PRDM2: variants seen among roughly 807,000 people sequenced by gnomAD.
The protein encoded by PRDM2 is PR domain zinc finger protein 2.
Under a neutral mutation model 130.0 loss-of-function variants are expected in PRDM2, and 30 were observed. The ratio of observed to expected loss-of-function variants is 0.23; its 90% CI spans 0.17 to 0.31. The LOEUF (loss-of-function observed/expected upper bound fraction) is 0.31. PRDM2 is among the 10% of genes least tolerant of loss of function. PRDM2 has a pLI of 1.00. For missense variants in PRDM2, 2,011 were observed against 2,108.4 expected, an observed-to-expected ratio of 0.95 and a Z score of 0.90; for synonymous variants, 871 against 782.4, an observed-to-expected ratio of 1.11 and a Z score of -1.89.
chr1:13,720,797 A>G (rs960094361), intron 2 of PRDM2, among the ~76,000 whole-genome samples: 3 of 152,188 alleles, frequency 2.0e-5, no homozygotes, highest in African/African-American at 4.8e-5. Flanking sequence ...TTGGTGCATT[A>G]AAGTTTCATT....
intron 1 of PRDM2, 48 bp from the exon 2 acceptor site, chr1:13,715,493 T>C (rs1376682116): frequency 9.9e-6 from 9 of 904,548 alleles, no homozygotes; most frequent in Non-Finnish European, 1.4e-5. Context: ...TAAATCCCTG[T>C]AAATTTGTAG....
At chr1:13,822,403 T>TC (rs1029688548) in intron 9 of PRDM2, among the ~76,000 whole-genome samples, 7 of 150,066 alleles carry the variant, frequency 4.7e-5, no homozygotes, top group African/African-American at 1.5e-4. Context: ...TTTCTTTCTT[T>TC]TTTTTTTTTT....
At chr1:13,751,461 T>A (rs909130240) in intron 6 of PRDM2, among the ~76,000 whole-genome samples, 1 of 152,134 alleles carries the variant, frequency 6.6e-6, no homozygotes, top group Admixed American at 6.5e-5. Flanking sequence ...TCAAACCTTT[T>A]TTACTTTTAA....
At chr1:13,700,679 C>T (rs1642046187) in intron 1 of PRDM2, among the ~76,000 whole-genome samples, 1 of 151,872 alleles carries the variant, frequency 6.6e-6, no homozygotes, top group African/African-American at 2.4e-5. Context: ...CCACGTGGGG[C>T]CGGGCGCCGT....
At chr1:13,809,087 G>T (rs1164354688) in intron 8 of PRDM2, among the ~76,000 whole-genome samples, 4 of 152,242 alleles carry the variant, frequency 2.6e-5, no homozygotes, top group African/African-American at 4.8e-5. Context: ...GGGAAATGGG[G>T]TCTACCCAGA....
intron 6 of PRDM2, among the ~76,000 whole-genome samples, chr1:13,761,153 C>T (rs1412512066): frequency 6.6e-6 from 1 of 152,216 alleles, no homozygotes; most frequent in East Asian, 1.9e-4. Context: ...TTCCATTTGC[C>T]TGGGCAGAAG....
rs61747663 is a variant in PRDM2, at chr1:13,779,361, A to G, written c.1566A>G (p.Glu522=). 0.021 allele frequency: 33,285 copies of G among 1,614,166 alleles called. 644 individuals are homozygous for G. The highest frequency in any genetic ancestry group is 0.087 in the South Asian group (7,950 of 91,068). The change falls in exon 8 of 10, where the codon GAA becomes GAG. Residue 522 remains glutamate (E), a synonymous_variant. Transcript: ENST00000311066. The surrounding 1 kb of genome is among the most constrained non-coding windows in gnomAD (Gnocchi z 4.9). ...PKGVRRKGGL[E]EPQPPAEQAQ... is the part of the protein sequence containing the mutation. ...GTGTACGGCGAAAAGGAGGCCTTGA[A>G]GAGCCCCAGCCTCCAGCAGAACAGG...
intron 8 of PRDM2, chr1:13,787,075 T>G: frequency 1.0e-6 from 1 of 985,582 alleles, no homozygotes; most frequent in Non-Finnish European, 1.2e-6. Flanking sequence ...TTTCGTTTTT[T>G]TAAATCACAA....
intron 1 of PRDM2, among the ~76,000 whole-genome samples, 193 bp from the exon 2 acceptor site, chr1:13,715,348 G>A (rs1484240794): frequency 6.6e-6 from 1 of 152,216 alleles, no homozygotes; most frequent in Non-Finnish European, 1.5e-5. Context: ...CCCTAGCAAA[G>A]AGTAGTAAGA....
intron 8 of PRDM2, among the ~76,000 whole-genome samples, chr1:13,811,446 T>A (rs1645172034): frequency 6.6e-6 from 1 of 152,210 alleles, no homozygotes; most frequent in Non-Finnish European, 1.5e-5. Context: ...GCGCACAGGC[T>A]GTCCTTGTGC....
chr1:13,728,644 T>G (rs533365432), intron 2 of PRDM2, among the ~76,000 whole-genome samples: 1 of 146,362 alleles, frequency 6.8e-6, no homozygotes, highest in Non-Finnish European at 1.5e-5. Flanking sequence ...GCTGGGTGTA[T>G]GAGTCCAAAA....
intron 2 of PRDM2, among the ~76,000 whole-genome samples, chr1:13,729,705 TG>T (rs1208645742): frequency 6.6e-6 from 1 of 152,160 alleles, no homozygotes; most frequent in Admixed American, 6.5e-5. Flanking sequence ...TCAGGGATAT[TG>T]TTGGGACAAA....
intron 2 of PRDM2, among the ~76,000 whole-genome samples, chr1:13,721,238 T>C (rs75466216): frequency 1.3e-5 from 2 of 152,314 alleles, no homozygotes; most frequent in East Asian, 3.9e-4. Context: ...CATCTGACCA[T>C]GTAGATATGT....
chr1:13,708,793 G>T (rs1178039108), intron 1 of PRDM2, among the ~76,000 whole-genome samples: 3 of 152,126 alleles, frequency 2.0e-5, no homozygotes, highest in Non-Finnish European at 4.4e-5. Context: ...TGGGTGAGAG[G>T]CGTGAGTGGT....
At chr1:13,774,891 C>G (rs979743985) in intron 7 of PRDM2, among the ~76,000 whole-genome samples, 1 of 151,880 alleles carries the variant, frequency 6.6e-6, no homozygotes, top group Non-Finnish European at 1.5e-5. Flanking sequence ...TGGTGTGAAC[C>G]CAGGAGGCGG....
rs762612306 is a variant in PRDM2 at position 13,778,709 on chromosome 1, T to G, written c.914T>G (p.Val305Gly). 1.9e-6 allele frequency: 3 copies of G among 1,614,022 alleles called. No homozygotes were observed. The highest frequency in any genetic ancestry group is 2.5e-6 in the Non-Finnish European group (3 of 1,180,014). The change falls in exon 8 of 10, where the codon GTG becomes GGG. Residue 305 changes from valine (V) to glycine (G), a missense_variant. Transcript: ENST00000311066. ...GCCAGCATGCCAAATGAAAATTCTG[T>G]GAAAGAGCCAGAAATACGGTGTGAT... is the stretch of plus-strand genomic sequence containing the variant. ...EEASMPNENSVKEPEIRCDEK... is the reference protein window; with the variant it reads ...EEASMPNENSGKEPEIRCDEK...
chr1:13,788,424 T>A (rs1427386328), intron 8 of PRDM2, among the ~76,000 whole-genome samples: 2 of 152,226 alleles, frequency 1.3e-5, no homozygotes, highest in Non-Finnish European at 2.9e-5. Context: ...TCTATGGGCT[T>A]CCAAAGAATG....
At chr1:13,736,963 G>A (rs562585634) in intron 4 of PRDM2, among the ~76,000 whole-genome samples, 1 of 152,184 alleles carries the variant, frequency 6.6e-6, no homozygotes, top group Non-Finnish European at 1.5e-5. Context: ...AGACTTTAAT[G>A]TAATTTTTAA....
At chr1:13,729,588 A>G (rs561785701) in intron 2 of PRDM2, among the ~76,000 whole-genome samples, 1 of 152,362 alleles carries the variant, frequency 6.6e-6, no homozygotes, top group African/African-American at 2.4e-5. Flanking sequence ...CACTATATTT[A>G]GAAGTGAAAA....
Sources: allele counts gnomAD v4.1 joint callset (sites outside exome capture counted in the v4.1 genomes callset), GRCh38; gene constraint gnomAD v4.1.1; non-coding constraint Gnocchi (gnomAD v3.1); transcripts MANE v1.5; gene names NCBI Gene and HGNC (gene_info 2026-07-23, HGNC 2026-07-21).